Variants in FAM187A observed in about 807,000 individuals in gnomAD.
FAM187A encodes family with sequence similarity 187 member A.
A neutral mutation model predicts 6.4 loss-of-function variants in FAM187A; 4 were observed. The ratio of observed to expected loss-of-function variants is 0.63; its 90% CI spans 0.31 to 1.44. FAM187A has a LOEUF of 1.44. Ranked by LOEUF, FAM187A falls within the 40% of genes most tolerant of loss-of-function variation. The probability of loss-of-function intolerance (pLI) is 0.07; values close to 1 mark genes in which losing one functional copy is unlikely to be tolerated. For missense variants in FAM187A, 463 were observed against 542.2 expected, an observed-to-expected ratio of 0.85 and a Z score of 1.45; for synonymous variants, 221 against 213.4, an observed-to-expected ratio of 1.04 and a Z score of -0.31.
chr17:44,904,255 C>T lies in FAM187A; in HGVS notation c.426C>T (p.Asn142=), dbSNP rs1002967954. Residue 142 remains asparagine (N), a synonymous_variant, in exon 4 of 4, where the codon AAC becomes AAT. Transcript: ENST00000331733. ...ACGCCTACGATGTGGACATCCAGAA[C>T]AGTGAGGGAATGGTGGCCACTTTCC... 22 of 1,550,404 alleles carry T rather than the reference C, an allele frequency of 1.4e-5. No individual in the cohort carries two copies. In the African/African-American group the frequency reaches 3.0e-4, roughly 21 times the overall value.
At chr17:44,904,318 T>C (rs2051615268) in exon 4 of FAM187A, 1 of 1,545,064 alleles carries the variant, frequency 6.5e-7, no homozygotes, top group Non-Finnish European at 8.7e-7. Flanking sequence ...ATGAATACTA[T>C]GGGCACCTCC....
exon 4 of FAM187A, chr17:44,903,701 G>A (rs1383849850): frequency 1.4e-6 from 2 of 1,439,392 alleles, no homozygotes; most frequent in East Asian, 2.5e-5. Flanking sequence ...GCAGATTGTT[G>A]CTGCTTTTCC....
At position 44,903,593 on chromosome 17, in the gene FAM187A, G is replaced by A; in HGVS notation, c.-237G>A. 2.8e-6 allele frequency: 4 copies of A among 1,404,444 alleles called. No homozygotes were observed. Among genetic ancestry groups the A allele is most frequent in the East Asian group, 5.2e-5 (2 of 38,228 alleles). 87.0% of individuals were successfully genotyped at this position (1,404,444 alleles called of 1,614,324 possible). On this transcript the variant is annotated 5_prime_UTR_variant, in exon 4 of 4. The change abolishes an upstream ATG in the 5' untranslated region. Transcript: ENST00000331733. ...GGGAGTAAAGGCCAGGTTCTAGAAT[G>A]GCTTTCCCCCCCCACCCTGAGATCA... is the stretch of plus-strand genomic sequence containing the variant.
exon 4 of FAM187A, chr17:44,904,831 C>T (rs1385429602): frequency 6.4e-7 from 1 of 1,550,720 alleles, no homozygotes; most frequent in East Asian, 2.4e-5. Context: ...ACATCCGCTT[C>T]ACCCAGCTGG....
At chr17:44,903,846 C>T in exon 4 of FAM187A, 8 of 1,546,426 alleles carry the variant, frequency 5.2e-6, no homozygotes, top group Non-Finnish European at 7.0e-6. Context: ...CTGGCCCTCA[C>T]CACTGTGCTC....
chr17:44,904,024 G>C (rs2051607703), exon 4 of FAM187A: 2 of 1,550,650 alleles, frequency 1.3e-6, no homozygotes, highest in East Asian at 4.9e-5. Context: ...CTGTAGTCTG[G>C]TTCTACCAAA....
chr17:44,904,169 A>G (rs1460040567), exon 4 of FAM187A: 1 of 1,550,260 alleles, frequency 6.5e-7, no homozygotes, highest in Non-Finnish European at 8.7e-7. Flanking sequence ...GTTGGTTTTC[A>G]GGGCTCAGTC....
chr17:44,905,174 C>A, exon 4 of FAM187A: 1 of 876,104 alleles, frequency 1.1e-6, no homozygotes, highest in Non-Finnish European at 1.8e-6. Flanking sequence ...GTGGTAGGAA[C>A]ATGTGGACAA....
exon 4 of FAM187A, chr17:44,904,659 A>T (rs769540429): frequency 6.5e-7 from 1 of 1,550,370 alleles, no homozygotes; most frequent in Non-Finnish European, 8.7e-7. Flanking sequence ...ATTCAGTTCC[A>T]CCAGCAGAGA....
chr17:44,903,457 C>T, exon 4 of FAM187A: 1 of 1,255,942 alleles, frequency 8.0e-7, no homozygotes, highest in Non-Finnish European at 1.0e-6. Flanking sequence ...GCTGGCAGGG[C>T]AGGGCCTGGA....
Position 44,904,411 on chromosome 17 carries a change from C to A in FAM187A, c.582C>A (p.Tyr194Ter), listed in dbSNP as rs1399307295. 6 of 1,542,222 alleles carry A rather than the reference C, an allele frequency of 3.9e-6. No homozygotes were observed. Among genetic ancestry groups the A allele is most frequent in the Non-Finnish European group, 5.3e-6 (6 of 1,140,776 alleles). The change falls in exon 4 of 4, where the codon TAC becomes TAA. Residue 194 changes from tyrosine (Y) to a stop codon, truncating the protein, a stop_gained. Coordinates refer to ENST00000331733, the Ensembl canonical transcript of FAM187A. LOFTEE classifies it low-confidence loss of function (END_TRUNC). ...AGCAGTGGCGCATCGGCCTCTGCTA[C>A]CTGCAGAGCCCAGACCTCTCCCCAC...
exon 4 of FAM187A, chr17:44,904,909 A>T (rs1296431077): frequency 7.1e-6 from 11 of 1,550,560 alleles, no homozygotes; most frequent in Non-Finnish European, 9.6e-6. Context: ...TGGGTGTGAC[A>T]TCTCATGGGC....
At chr17:44,904,562 A>G (rs2051621073) in exon 4 of FAM187A, 8 of 1,550,588 alleles carry the variant, frequency 5.2e-6, no homozygotes, top group Non-Finnish European at 6.1e-6. Flanking sequence ...ACCCTGTGAG[A>G]AGACAAAGAC....
At chr17:44,905,375 T>C in exon 4 of FAM187A, 1 of 367,614 alleles carries the variant, frequency 2.7e-6, no homozygotes, top group Non-Finnish European at 5.2e-6. Flanking sequence ...TAAACACTGA[T>C]CAGTGTTGAA....
exon 4 of FAM187A, chr17:44,904,949 A>G (rs1426234390): frequency 6.5e-7 from 1 of 1,550,272 alleles, no homozygotes; most frequent in Non-Finnish European, 8.7e-7. Context: ...AGATCCTGAG[A>G]CTCGCTCGGC....
At chr17:44,903,799 C>T (rs2051603162) in exon 4 of FAM187A, 7 of 1,530,278 alleles carry the variant, frequency 4.6e-6, no homozygotes, top group Non-Finnish European at 6.2e-6. Context: ...CTGGTTTTGC[C>T]CTGCCCCTCT....
chr17:44,904,915 T>C (rs1217093328), exon 4 of FAM187A: 24 of 1,550,496 alleles, frequency 1.5e-5, no homozygotes, highest in South Asian at 2.4e-5. Flanking sequence ...TGACATCTCA[T>C]GGGCACTACC....
chr17:44,904,170 G>A, exon 4 of FAM187A: 1 of 1,550,372 alleles, frequency 6.5e-7, no homozygotes, highest in Non-Finnish European at 8.7e-7. Context: ...TTGGTTTTCA[G>A]GGCTCAGTCT....
exon 4 of FAM187A, chr17:44,905,247 G>A: frequency 1.6e-6 from 1 of 610,326 alleles, no homozygotes; most frequent in South Asian, 2.1e-5. Flanking sequence ...AGAAGTGGAG[G>A]GGCCTGAGGC....
Sources: gnomAD v4.1 joint callset for allele counts on GRCh38, gnomAD v4.1.1 for gene constraint, MANE v1.5 for transcripts, NCBI Gene and HGNC (gene_info 2026-07-23, HGNC 2026-07-21) for gene names.